The following PRPF3 variants were observed in gnomAD, a reference collection of about 807,000 sequenced individuals.
PRPF3 encodes pre-mRNA processing factor 3.
In PRPF3, 3 loss-of-function variants were observed where a neutral mutation model predicts 89.2. The ratio of observed to expected loss-of-function variants is 0.03; its 90% CI spans 0.02 to 0.09. The LOEUF (loss-of-function observed/expected upper bound fraction) is 0.09, where lower values mean the gene tolerates loss of function less well. Ranked by LOEUF, PRPF3 falls within the 10% of genes least tolerant of loss-of-function variation. The pLI is 1.00. For missense variants in PRPF3, 463 were observed against 828.8 expected (o/e 0.56, Z 5.42); for synonymous variants, 270 against 289.1 (o/e 0.93, Z 0.67).
At chr1:150,323,173 CTTTTT>C (rs71083901) in intron 1 of PRPF3, among the ~76,000 whole-genome samples, 17 of 48,284 alleles carry the variant, frequency 3.5e-4, no homozygotes, top group Admixed American at 1.6e-3. Context: ...CCGCACCTGG[CTTTTT>C]TTTTTTTTTT....
chr1:150,341,236 A>G (rs921955075), intron 9 of PRPF3, among the ~76,000 whole-genome samples: 2 of 151,864 alleles, frequency 1.3e-5, no homozygotes, highest in Non-Finnish European at 1.5e-5. Flanking sequence ...ATAGAACCAC[A>G]TGTTGTTGTG....
intron 5 of PRPF3, 97 bp downstream of exon 5, chr1:150,332,864 T>G: frequency 6.7e-7 from 1 of 1,499,028 alleles, no homozygotes; most frequent in African/African-American, 1.4e-5. Context: ...ACTACATGTT[T>G]CACTTCATAA....
chr1:150,338,315 T>C lies in PRPF3; in HGVS notation c.1191T>C (p.Asn397=). 1 of 1,614,040 alleles carries C rather than the reference T, an allele frequency of 6.2e-7. No homozygotes were observed. Among genetic ancestry groups the C allele is most frequent in the Middle Eastern group, 1.6e-4 (1 of 6,062 alleles). Residue 397 remains asparagine, a synonymous_variant, in exon 8 of 16, where the codon AAT becomes AAC. Transcript: ENST00000324862. ...GGTGGGACTCTTACATAATCCCCAA[T>C]GGCTTTGATCTGTGAGTTTGTTTTA... The part of the protein sequence containing the change: ...IEWWDSYIIP[N]GFDLTEENPK...
chr1:150,351,605 A>G (rs1164235576), intron 15 of PRPF3, among the ~76,000 whole-genome samples: 1 of 150,964 alleles, frequency 6.6e-6, no homozygotes, highest in Non-Finnish European at 1.5e-5. Flanking sequence ...GGGACAAGCA[A>G]TCCTCCAGTC....
At chr1:150,329,171 A>C (rs2101957925) in intron 4 of PRPF3, among the ~76,000 whole-genome samples, 1 of 151,910 alleles carries the variant, frequency 6.6e-6, no homozygotes, top group Admixed American at 6.6e-5. Context: ...CTGGGACTAC[A>C]TGCGAACACC....
At position 150,353,012 on chromosome 1, in the gene PRPF3, C is replaced by A; in HGVS notation, c.*33C>A. ...GCAAGCCCTTGCCTCTCCTCCCTTGCCTTTGTCTCTTCAGTCCTCTCACTT... is the reference window on the plus strand; with the variant it reads ...GCAAGCCCTTGCCTCTCCTCCCTTGACTTTGTCTCTTCAGTCCTCTCACTT... On this transcript the variant is annotated 3_prime_UTR_variant, in exon 16 of 16. Coordinates refer to ENST00000324862, the MANE Select transcript of PRPF3 (RefSeq NM_004698.4). The A allele has an allele frequency of 1.2e-6, 2 of 1,613,388 alleles. No homozygotes were observed. Among genetic ancestry groups the A allele is most frequent in the Non-Finnish European group, 8.5e-7 (1 of 1,179,548 alleles).
intron 5 of PRPF3, 39 bp from the exon 6 acceptor site, chr1:150,332,940 T>C: frequency 1.3e-6 from 2 of 1,576,606 alleles, no homozygotes; most frequent in Non-Finnish European, 1.7e-6. Context: ...TTTGTCTGCC[T>C]GTCTTAATTC....
chr1:150,351,404 A>G (rs1658910530), intron 15 of PRPF3, among the ~76,000 whole-genome samples: 1 of 152,186 alleles, frequency 6.6e-6, no homozygotes, highest in African/African-American at 2.4e-5. Flanking sequence ...GCCTTATCCC[A>G]GATTCTTCAA....
intron 4 of PRPF3, among the ~76,000 whole-genome samples, chr1:150,329,294 G>T (rs1656067751): frequency 6.6e-6 from 1 of 152,084 alleles, no homozygotes; most frequent in African/African-American, 2.4e-5. Flanking sequence ...CGCCCAAATG[G>T]CTGGGATTAC....
At chr1:150,332,550 G>A in intron 4 of PRPF3, 134 bp from the exon 5 acceptor site, 1 of 855,888 alleles carries the variant, frequency 1.2e-6, no homozygotes, top group Non-Finnish European at 2.0e-6. Flanking sequence ...GCACTGTGGT[G>A]CAGGCAGAAT....
chr1:150,348,037 C>T (rs1346293620), intron 14 of PRPF3, among the ~76,000 whole-genome samples: 2 of 152,202 alleles, frequency 1.3e-5, no homozygotes, highest in African/African-American at 4.8e-5. Flanking sequence ...GGCCATCATA[C>T]TCCCATTAGT....
At chr1:150,321,824 C>A (rs908227156) in intron 1 of PRPF3, among the ~76,000 whole-genome samples, 2 of 151,088 alleles carry the variant, frequency 1.3e-5, no homozygotes, top group East Asian at 3.9e-4. Context: ...TTAGGTAGAA[C>A]AAGGTAGAGT....
rs1266003723 is a variant in PRPF3, at chr1:150,338,498, ATT to A, written c.1202+191_1202+192del. On this transcript the variant is annotated intron_variant, in intron 8 of 15. Coordinates refer to ENST00000324862, the MANE Select transcript of PRPF3 (RefSeq NM_004698.4). ...AAGTAACTGTACACAAGGTCCTGTT[ATT>A]TTTTTTTTTTTTTTTTTTGAGAGGG... Among the ~76,000 whole-genome samples, 11 of 141,112 alleles carry A rather than the reference ATT, an allele frequency of 7.8e-5. 1 individual carries two copies. The highest frequency in any genetic ancestry group is 2.0e-4 in the East Asian group (1 of 4,944). 92.6% of individuals were successfully genotyped at this position (141,112 alleles called of 152,430 possible).
Position 150,353,103 on chromosome 1 carries a change from G to A in PRPF3, c.*124G>A. ...CAGAACTGTGCCAAGCAGACACTGGGACAAAGGGAGAATATCTTGCTCCCC... is the reference window on the plus strand; with the variant it reads ...CAGAACTGTGCCAAGCAGACACTGGAACAAAGGGAGAATATCTTGCTCCCC... On this transcript the variant is annotated 3_prime_UTR_variant, in exon 16 of 16. Coordinates refer to ENST00000324862, the MANE Select transcript of PRPF3 (RefSeq NM_004698.4). 3.1e-6 allele frequency: 4 copies of A among 1,300,334 alleles called. No individual in the cohort carries two copies. Among genetic ancestry groups the A allele is most frequent in the Non-Finnish European group, 4.5e-6 (4 of 898,682 alleles). The allele number at this position is 1,300,334 out of a possible 1,614,324, so 80.5% of individuals were successfully genotyped here. A position where few individuals can be genotyped will look rare whatever the true frequency, so the allele number is the denominator to read the frequency against.
intron 6 of PRPF3, 47 bp from the exon 7 acceptor site, chr1:150,334,888 C>G: frequency 6.2e-7 from 1 of 1,608,968 alleles, no homozygotes; most frequent in Non-Finnish European, 8.5e-7. Flanking sequence ...TTTTTGCTTG[C>G]CTTAATGTTC....
chr1:150,350,322 C>T (rs1306085594), intron 15 of PRPF3, among the ~76,000 whole-genome samples: 1 of 152,032 alleles, frequency 6.6e-6, no homozygotes, highest in Non-Finnish European at 1.5e-5. Context: ...CTGCCTCGGC[C>T]TCCCGAGTAG....
chr1:150,349,888 CG>C (rs1553873934), intron 15 of PRPF3, among the ~76,000 whole-genome samples: 1 of 11,306 alleles, frequency 8.8e-5, no homozygotes, highest in Non-Finnish European at 2.5e-4. Flanking sequence ...TTTTTGGGGG[CG>C]GGGGGGCGGG....
At chr1:150,352,461 C>G (rs926644449) in intron 15 of PRPF3, among the ~76,000 whole-genome samples, 1 of 152,176 alleles carries the variant, frequency 6.6e-6, no homozygotes, top group Non-Finnish European at 1.5e-5. Flanking sequence ...GTCAGGAGAT[C>G]GAGACCATCC....
At chr1:150,342,989 T>C (rs1045673837) in intron 9 of PRPF3, among the ~76,000 whole-genome samples, 3 of 152,246 alleles carry the variant, frequency 2.0e-5, no homozygotes, top group South Asian at 4.1e-4. Context: ...TTTAATGATA[T>C]TGATATTTAC....
Sources: allele counts gnomAD v4.1 joint callset (sites outside exome capture counted in the v4.1 genomes callset), GRCh38; gene constraint gnomAD v4.1.1; transcripts MANE v1.5; gene names NCBI Gene and HGNC (gene_info 2026-07-23, HGNC 2026-07-21).